The following TMOD2 variants were observed in gnomAD, a reference collection of about 807,000 sequenced individuals.
TMOD2 encodes tropomodulin-2.
A neutral mutation model predicts 39.9 loss-of-function variants in TMOD2; 22 were observed. The observed-to-expected ratio is 0.55, with a 90% CI of 0.39 to 0.79. The LOEUF (loss-of-function observed/expected upper bound fraction) is 0.79, where lower values mean the gene tolerates loss of function less well. TMOD2 is among the 30% of genes least tolerant of loss of function. The probability of loss-of-function intolerance (pLI) is 0.00; values close to 1 mark genes in which losing one functional copy is unlikely to be tolerated. For synonymous variants in TMOD2, 123 were observed against 146.1 expected, an observed-to-expected ratio of 0.84 and a Z score of 1.14; for missense variants, 386 against 413.3, an observed-to-expected ratio of 0.93 and a Z score of 0.57.
At chr15:51,777,331 A>G (rs1013069960) in intron 5 of TMOD2, among the ~76,000 whole-genome samples, 7 of 152,210 alleles carry the variant, frequency 4.6e-5, no homozygotes, top group Admixed American at 1.3e-4. Context: ...TTGCTGATAT[A>G]AGACTGCTTG....
chr15:51,785,738 A>G (rs1225572378), intron 7 of TMOD2, among the ~76,000 whole-genome samples: 1 of 152,132 alleles, frequency 6.6e-6, no homozygotes, highest in Non-Finnish European at 1.5e-5. Context: ...GTTAGAAGGA[A>G]TAAGTTCTTG....
intron 1 of TMOD2, chr15:51,752,661 T>C (rs1353427661): frequency 6.6e-6 from 1 of 152,244 alleles, no homozygotes; most frequent in Non-Finnish European, 1.5e-5. Flanking sequence ...AAATGATTTG[T>C]AAACCTCTGT....
At position 51,814,730 on chromosome 15, in the gene TMOD2, A is replaced by G. The variant is rs182265575; in HGVS notation, c.*6276A>G. 2.9e-4 allele frequency: 44 copies of G among 152,276 alleles called. No homozygotes were observed. Among genetic ancestry groups the G allele is most frequent in the African/African-American group, 1.0e-3 (42 of 41,544 alleles). The allele number at this position is 152,276 out of a possible 1,614,324, so 9.4% of individuals were successfully genotyped here. A position where few individuals can be genotyped will look rare whatever the true frequency, so the allele number is the denominator to read the frequency against. On this transcript the variant is annotated 3_prime_UTR_variant, in exon 10 of 10. Transcript: ENST00000249700. Reference sequence around the variant, plus strand: ...CTGTAAAATGAAGTGAGTAGATTCAATGCTCCCTAAGGTCCCTTCCAGCTC... The same window carrying G: ...CTGTAAAATGAAGTGAGTAGATTCAGTGCTCCCTAAGGTCCCTTCCAGCTC...
chr15:51,756,481 T>TTA (rs1304385867), intron 1 of TMOD2: 1 of 152,362 alleles, frequency 6.6e-6, no homozygotes, highest in Admixed American at 6.5e-5. Flanking sequence ...ATAAGTACTG[T>TTA]TCTTTGCATG....
At chr15:51,762,196 C>A (rs2055786036) in intron 1 of TMOD2, among the ~76,000 whole-genome samples, 1 of 151,642 alleles carries the variant, frequency 6.6e-6, no homozygotes, top group African/African-American at 2.4e-5. Context: ...GTGGCTCATA[C>A]CTGTAATTCC....
intron 5 of TMOD2, 96 bp downstream of exon 5, chr15:51,777,114 C>A: frequency 9.9e-7 from 1 of 1,012,726 alleles, no homozygotes; most frequent in Non-Finnish European, 1.5e-6. Flanking sequence ...GCTTTACACT[C>A]TGTCATTTTG....
intron 1 of TMOD2, among the ~76,000 whole-genome samples, chr15:51,754,225 C>CT (rs1164348177): frequency 6.6e-6 from 1 of 152,206 alleles, no homozygotes; most frequent in Non-Finnish European, 1.5e-5. Context: ...CCTTTCCTCT[C>CT]TGTGTCCGAG....
Position 51,808,782 on chromosome 15 carries a change from T to C in TMOD2, c.*328T>C, listed in dbSNP as rs2056137688. On this transcript the variant is annotated 3_prime_UTR_variant, in exon 10 of 10. Transcript: ENST00000249700. ...TACATGAACTTGTTTTTTTAATCAC[T>C]GAAAGGAATTTAGTGTATAATATGT... 8.4e-6 allele frequency: 2 copies of C among 237,592 alleles called. No homozygotes were observed. Among genetic ancestry groups the C allele is most frequent in the African/African-American group, 4.6e-5 (2 of 43,852 alleles). The allele number at this position is 237,592 out of a possible 1,614,324, so 14.7% of individuals were successfully genotyped here. A position where few individuals can be genotyped will look rare whatever the true frequency, so the allele number is the denominator to read the frequency against.
intron 7 of TMOD2, among the ~76,000 whole-genome samples, chr15:51,786,438 A>G (rs542206840): frequency 6.6e-6 from 1 of 152,330 alleles, no homozygotes; most frequent in African/African-American, 2.4e-5. Flanking sequence ...TTATTCTGAT[A>G]TATTTTTAGA....
At chr15:51,761,603 A>T (rs2055781311) in intron 1 of TMOD2, among the ~76,000 whole-genome samples, 1 of 151,926 alleles carries the variant, frequency 6.6e-6, no homozygotes, top group Admixed American at 6.6e-5. Flanking sequence ...GCATGGTGAT[A>T]CACACCTGTA....
chr15:51,757,631 A>G (rs1217198263), intron 1 of TMOD2, among the ~76,000 whole-genome samples: 3 of 152,164 alleles, frequency 2.0e-5, no homozygotes, highest in Admixed American at 6.5e-5. Flanking sequence ...ATCATATTGC[A>G]TGTTAAATGC....
chr15:51,764,951 GT>G (rs1007626267), intron 1 of TMOD2, among the ~76,000 whole-genome samples: 1 of 152,086 alleles, frequency 6.6e-6, no homozygotes, highest in African/African-American at 2.4e-5. Context: ...CATTATTGCT[GT>G]TTGTGTGAGA....
intron 8 of TMOD2, among the ~76,000 whole-genome samples, chr15:51,798,720 T>G (rs1402501070): frequency 5.3e-5 from 8 of 152,232 alleles, no homozygotes; most frequent in African/African-American, 1.9e-4. Flanking sequence ...TGCTTCTCAC[T>G]GGGACTGTTG....
chr15:51,778,295 A>G (rs559039772), intron 5 of TMOD2, among the ~76,000 whole-genome samples: 9 of 131,522 alleles, frequency 6.8e-5, no homozygotes, highest in Middle Eastern at 4.4e-3. Context: ...ATGAGAACAC[A>G]TGGACACAGG....
chr15:51,790,836 G>C (rs906912791), intron 7 of TMOD2, among the ~76,000 whole-genome samples: 2 of 152,090 alleles, frequency 1.3e-5, no homozygotes, highest in African/African-American at 2.4e-5. Context: ...AATCAACTAG[G>C]TATTGACGGA....
intron 1 of TMOD2, among the ~76,000 whole-genome samples, chr15:51,763,106 TAAA>T (rs200817394): frequency 1.5e-4 from 23 of 150,202 alleles, no homozygotes; most frequent in African/African-American, 3.9e-4. Context: ...AGCTAATTTT[TAAA>T]AAAAAAAATT....
rs2055911485 is a variant in TMOD2 at position 51,779,033 on chromosome 15, T to C, written c.494-2011T>C. 2.0e-5 allele frequency among the ~76,000 whole-genome samples: 3 copies of C among 152,108 alleles called. No individual in the cohort carries two copies. The South Asian group carries it at 6.2e-4, about 32-fold the overall frequency. On this transcript the variant is annotated intron_variant, in intron 5 of 9. Coordinates refer to ENST00000249700, the MANE Select transcript of TMOD2 (RefSeq NM_014548.4). ...GTGCAATGGTGCAATCATAACTTAT[T>C]GCAGCCTCCAGCTCCTGGACTCAAG...
rs1227144825 is a variant in TMOD2, at chr15:51,751,599, T to G, written c.-183T>G. 1 of 247,258 alleles carries G rather than the reference T, an allele frequency of 4.0e-6. No homozygotes were observed. The highest frequency in any genetic ancestry group is 7.7e-6 in the Non-Finnish European group (1 of 130,664). The allele number at this position is 247,258 out of a possible 1,614,324, so 15.3% of individuals were successfully genotyped here. A position where few individuals can be genotyped will look rare whatever the true frequency, so the allele number is the denominator to read the frequency against. Reference sequence around the variant, plus strand: ...CCGCGCCCGGCCGGGAGCCGCCTGTTGATCGCCGCGCTCGCCCCGGCCACG... The same window carrying G: ...CCGCGCCCGGCCGGGAGCCGCCTGTGGATCGCCGCGCTCGCCCCGGCCACG... On this transcript the variant is annotated 5_prime_UTR_variant, in exon 1 of 10. Transcript: ENST00000249700.
intron 7 of TMOD2, among the ~76,000 whole-genome samples, chr15:51,796,652 G>A (rs1472980584): frequency 2.6e-5 from 4 of 152,146 alleles, no homozygotes; most frequent in African/African-American, 9.7e-5. Flanking sequence ...GAGATTAACA[G>A]CAATAACTAA....
Sources: gnomAD v4.1 joint callset for allele counts (sites outside exome capture counted in the v4.1 genomes callset) on GRCh38, gnomAD v4.1.1 for gene constraint, MANE v1.5 for transcripts, NCBI Gene and HGNC (gene_info 2026-07-23, HGNC 2026-07-21) for gene names.